PDE4D: variants seen among roughly 807,000 people sequenced by gnomAD.
PDE4D encodes the protein 3',5'-cyclic-AMP phosphodiesterase 4D.
Under a neutral mutation model 87.4 loss-of-function variants are expected in PDE4D, and 24 were observed. The observed-to-expected ratio is 0.27, with a 90% CI of 0.20 to 0.39. The LOEUF is 0.39. Among genes scored for constraint, PDE4D ranks in the 10% least tolerant of loss-of-function variants. The pLI is 1.00. For synonymous variants in PDE4D, 384 were observed against 383.2 expected, an observed-to-expected ratio of 1.00 and a Z score of -0.02; for missense variants, 714 against 1,041.0, an observed-to-expected ratio of 0.69 and a Z score of 4.32.
At chr5:60,236,382 C>A (rs1746434412) in intron 1 of PDE4D, among the ~76,000 whole-genome samples, 1 of 151,532 alleles carries the variant, frequency 6.6e-6, no homozygotes, top group Admixed American at 6.6e-5. Context: ...AAAATTTAAA[C>A]CCTCAAAACT....
At chr5:59,073,954 G>C (rs1765282837) in intron 5 of PDE4D, among the ~76,000 whole-genome samples, 1 of 152,082 alleles carries the variant, frequency 6.6e-6, no homozygotes, top group Admixed American at 6.5e-5. Flanking sequence ...TGGGTGACTA[G>C]AAAGAAGGAA....
At chr5:60,396,453 C>T (rs1049590912) in intron 1 of PDE4D, among the ~76,000 whole-genome samples, 1 of 152,152 alleles carries the variant, frequency 6.6e-6, no homozygotes, top group African/African-American at 2.4e-5. Flanking sequence ...CAGGGATTAC[C>T]CCATCTGAGA....
chr5:59,431,002 C>A lies in PDE4D; in HGVS notation c.456-215034G>T, dbSNP rs79249075. ...GGTAAAAAAATTGTGGGTTCTTATT[C>A]ATAAATTACTATTCATGATAGAACT... On this transcript the variant is annotated intron_variant, in intron 1 of 14. Coordinates refer to ENST00000340635, the MANE Select transcript of PDE4D (RefSeq NM_001104631.2). Among the ~76,000 whole-genome samples the A allele has an allele frequency of 4.7e-3, 712 of 152,112 alleles. 25 individuals are homozygous for A. In the East Asian group the frequency reaches 0.075, roughly 16 times the overall value.
At chr5:59,940,668 A>G (rs1426873984) in intron 3 of PDE4D, among the ~76,000 whole-genome samples, 7 of 152,164 alleles carry the variant, frequency 4.6e-5, no homozygotes, top group Non-Finnish European at 1.0e-4. Context: ...AGACATATGG[A>G]TAGAGATTTC....
intron 3 of PDE4D, among the ~76,000 whole-genome samples, chr5:59,907,671 C>T (rs913351923): frequency 6.6e-5 from 10 of 152,074 alleles, no homozygotes; most frequent in East Asian, 1.9e-4. Flanking sequence ...ATTCTCTCTG[C>T]GTTTAAATAC....
intron 1 of PDE4D, among the ~76,000 whole-genome samples, chr5:60,344,856 G>T (rs1332134605): frequency 6.6e-6 from 1 of 151,848 alleles, no homozygotes; most frequent in East Asian, 1.9e-4. Flanking sequence ...CATCTGCCAA[G>T]ATTTAAAATA....
chr5:60,184,852 G>C (rs1784651031), intron 2 of PDE4D, among the ~76,000 whole-genome samples: 1 of 152,122 alleles, frequency 6.6e-6, no homozygotes, highest in African/African-American at 2.4e-5. Context: ...TATCCCCCTT[G>C]GGTAAATGAA....
At chr5:59,413,043 TA>T (rs1340459799) in intron 1 of PDE4D, among the ~76,000 whole-genome samples, 1 of 152,228 alleles carries the variant, frequency 6.6e-6, no homozygotes, top group Non-Finnish European at 1.5e-5. Flanking sequence ...ATTTTCCAGT[TA>T]TAACACTGTT....
intron 3 of PDE4D, among the ~76,000 whole-genome samples, chr5:59,983,315 A>T: frequency 6.6e-6 from 1 of 152,052 alleles, no homozygotes; most frequent in Non-Finnish European, 1.5e-5. Context: ...TCCCCTTATT[A>T]AGGTGGGTCC....
At chr5:60,474,133 TATATATATATATATATAACA>T (rs201242262) in intron 1 of PDE4D, among the ~76,000 whole-genome samples, 11,158 of 116,384 alleles carry the variant, frequency 0.096, 970 homozygotes, top group African/African-American at 0.23. Context: ...TATATATATA[TATATATATATATATATAACA>T]AAAACCTTAG....
chr5:59,206,227 C>T (rs1289631708), intron 2 of PDE4D, among the ~76,000 whole-genome samples: 1 of 152,114 alleles, frequency 6.6e-6, no homozygotes, highest in Admixed American at 6.6e-5. Context: ...CACAGATTAC[C>T]AGGAATCTGA....
intron 2 of PDE4D, among the ~76,000 whole-genome samples, chr5:60,034,764 T>TTA (rs1207683700): frequency 6.6e-6 from 1 of 152,160 alleles, no homozygotes; most frequent in African/African-American, 2.4e-5. Flanking sequence ...TTTACCTGCA[T>TTA]TATATAGCCA....
At chr5:59,285,311 A>T (rs976186682) in intron 1 of PDE4D, among the ~76,000 whole-genome samples, 3 of 152,080 alleles carry the variant, frequency 2.0e-5, no homozygotes, top group African/African-American at 7.2e-5. Flanking sequence ...GCTTAACAGC[A>T]GAATAAATCT....
At chr5:60,359,835 T>A (rs919472326) in intron 1 of PDE4D, among the ~76,000 whole-genome samples, 2 of 152,206 alleles carry the variant, frequency 1.3e-5, no homozygotes, top group African/African-American at 4.8e-5. Context: ...CTTATCCATC[T>A]ACCCCCACAA....
intron 1 of PDE4D, among the ~76,000 whole-genome samples, chr5:59,631,887 T>G: frequency 6.6e-6 from 1 of 151,978 alleles, no homozygotes; most frequent in Non-Finnish European, 1.5e-5. Flanking sequence ...GGAACACCAG[T>G]GAGACAGCCA....
intron 2 of PDE4D, among the ~76,000 whole-genome samples, chr5:60,176,528 T>C (rs1424869541): frequency 6.6e-6 from 1 of 152,116 alleles, no homozygotes; most frequent in Non-Finnish European, 1.5e-5. Context: ...GTTATAGAAA[T>C]GATAAGGGTT....
chr5:59,795,547 A>C (rs552828320), intron 1 of PDE4D, among the ~76,000 whole-genome samples: 4 of 152,216 alleles, frequency 2.6e-5, no homozygotes, highest in Non-Finnish European at 5.9e-5. Flanking sequence ...TAAAAATAGA[A>C]TTCTATGTTA....
intron 1 of PDE4D, among the ~76,000 whole-genome samples, chr5:60,379,679 T>C (rs1351338958): frequency 6.6e-6 from 1 of 152,184 alleles, no homozygotes. Context: ...GGAAGTCTTT[T>C]AGTAAACAAA....
intron 1 of PDE4D, among the ~76,000 whole-genome samples, chr5:59,762,350 A>ATATGGGTACACATATGCG (rs1561615664): frequency 0.021 from 1,292 of 60,930 alleles, 239 homozygotes; most frequent in African/African-American, 0.032. Flanking sequence ...ACACATATGC[A>ATATGGGTACACATATGCG]TATATGTGTA....
Sources: gnomAD v4.1 joint callset for allele counts (sites outside exome capture counted in the v4.1 genomes callset) on GRCh38, gnomAD v4.1.1 for gene constraint, MANE v1.5 for transcripts, NCBI Gene and HGNC (gene_info 2026-07-23, HGNC 2026-07-21) for gene names.